Variants in ENTPD5 observed in about 807,000 individuals in gnomAD.
The protein encoded by ENTPD5 is ectonucleoside triphosphate diphosphohydrolase 5 (inactive).
A neutral mutation model predicts 60.2 loss-of-function variants in ENTPD5; 49 were observed. The ratio of observed to expected loss-of-function variants is 0.81; its 90% CI spans 0.65 to 1.03. ENTPD5 has a LOEUF of 1.03. ENTPD5 is among the 50% of genes least tolerant of loss of function. The pLI, the probability that ENTPD5 is intolerant of heterozygous loss-of-function variation, is 0.00. For missense variants in ENTPD5, 480 were observed against 507.6 expected (o/e 0.95, Z 0.52); for synonymous variants, 187 against 185.4 (o/e 1.01, Z -0.07).
intron 3 of ENTPD5, among the ~76,000 whole-genome samples, chr14:73,998,957 T>C (rs1448161349): frequency 6.6e-6 from 1 of 152,134 alleles, no homozygotes; most frequent in Non-Finnish European, 1.5e-5. Context: ...CCACTGAAGA[T>C]ATTGAACTAG....
chr14:74,000,887 A>T (rs959750615), intron 3 of ENTPD5, among the ~76,000 whole-genome samples: 4 of 152,180 alleles, frequency 2.6e-5, no homozygotes, highest in Admixed American at 2.6e-4. Flanking sequence ...GAGAGATTAG[A>T]AAAAGATGAT....
At chr14:73,962,028 G>C, downstream of ENTPD5, 1 of 1,100,312 alleles carries the variant, frequency 9.1e-7, no homozygotes, top group Non-Finnish European at 1.3e-6. Flanking sequence ...ACTCACTGCA[G>C]CCTCTGCCTC....
At chr14:74,013,723 G>C (rs1030218824) in intron 2 of ENTPD5, among the ~76,000 whole-genome samples, 1 of 152,092 alleles carries the variant, frequency 6.6e-6, no homozygotes, top group African/African-American at 2.4e-5. Flanking sequence ...CCAGGTCAGA[G>C]CTTTATACAT....
intron 5 of ENTPD5, among the ~76,000 whole-genome samples, chr14:73,983,691 ATTATTT>A (rs145222847): frequency 0.16 from 10,181 of 61,724 alleles, 567 homozygotes; most frequent in East Asian, 0.42. Context: ...TATTATTATT[ATTATTT>A]TTTTTGGGAC....
intron 3 of ENTPD5, among the ~76,000 whole-genome samples, chr14:73,994,613 A>G (rs1225382369): frequency 2.0e-5 from 3 of 151,604 alleles, no homozygotes; most frequent in Non-Finnish European, 4.4e-5. Context: ...GGCACCTGTA[A>G]TCCCAACTAC....
At chr14:73,968,724 C>G (rs2057092444) in intron 15 of ENTPD5, among the ~76,000 whole-genome samples, 2 of 152,282 alleles carry the variant, frequency 1.3e-5, no homozygotes, top group South Asian at 4.1e-4. Flanking sequence ...TCAGGCCCGG[C>G]TGTATTACTG....
chr14:73,969,011 A>G (rs1320680308), intron 15 of ENTPD5, among the ~76,000 whole-genome samples: 1 of 152,252 alleles, frequency 6.6e-6, no homozygotes, highest in Non-Finnish European at 1.5e-5. Flanking sequence ...TGAGGCATTC[A>G]GTGTTCATGA....
chr14:73,958,894 T>C, downstream of ENTPD5: 3 of 1,586,504 alleles, frequency 1.9e-6, no homozygotes, highest in East Asian at 4.6e-5. Context: ...TGGAGGAAAC[T>C]TTAGGGAGCA....
intron 3 of ENTPD5, among the ~76,000 whole-genome samples, chr14:74,001,136 T>C (rs113768127): frequency 0.079 from 11,953 of 152,026 alleles, 626 homozygotes; most frequent in South Asian, 0.26. Flanking sequence ...AGTGGGAGGA[T>C]TGCTTGACCC....
At chr14:73,974,864 G>T in intron 11 of ENTPD5, 60 bp downstream of exon 11, 7 of 1,340,524 alleles carry the variant, frequency 5.2e-6, no homozygotes, top group Non-Finnish European at 7.4e-6. Flanking sequence ...AAGGGAAGAA[G>T]CAAGCGGAGT....
Position 73,972,160 on chromosome 14 carries a change from C to T in ENTPD5, c.1028-252G>A, listed in dbSNP as rs538017790. 1.6e-4 allele frequency among the ~76,000 whole-genome samples: 25 copies of T among 151,678 alleles called. No individual in the cohort carries two copies. The East Asian group carries it at 2.9e-3, about 18-fold the overall frequency. ...TTGGGAGGCCGAGGAAGGCAGATAA[C>T]GAGGTCAGGAGTTCAAGACCAGCCT... On this transcript the variant is annotated intron_variant, in intron 13 of 15. Coordinates refer to ENST00000334696, the MANE Select transcript of ENTPD5 (RefSeq NM_001249.5).
In ENTPD5 at chr14:73,966,368, C is replaced by T. The variant is rs1333332125; in HGVS notation, c.*560G>A. ...CTCATCCTATTAATATTTAGGATGG[C>T]TCTCAGCTGGCTGATTGGAGCTAAC... On this transcript the variant is annotated 3_prime_UTR_variant, in exon 16 of 16. Transcript: ENST00000334696. 1 of 152,234 alleles carries T rather than the reference C, an allele frequency of 6.6e-6. No homozygotes were observed. The highest frequency in any genetic ancestry group is 1.9e-4 in the East Asian group (1 of 5,202). 9.4% of individuals were successfully genotyped at this position (152,234 alleles called of 1,614,324 possible). A position where few individuals can be genotyped will look rare whatever the true frequency, so the allele number is the denominator to read the frequency against.
At position 73,975,928 on chromosome 14, in the gene ENTPD5, G is replaced by A. The variant is rs142846419; in HGVS notation, c.722+8C>T. 7.6e-3 allele frequency: 12,047 copies of A among 1,589,890 alleles called. 114 individuals are homozygous for A. The highest frequency in any genetic ancestry group is 0.03 in the Middle Eastern group (177 of 5,992). Reference sequence around the variant, plus strand: ...TGAAATATTCTTCTTCCCTGTCCCCGTCCTCACCTATGTGTATAGAGCTTA... The same window carrying A: ...TGAAATATTCTTCTTCCCTGTCCCCATCCTCACCTATGTGTATAGAGCTTA... On this transcript the variant is annotated splice_region_variant and intron_variant, in intron 10 of 15. Coordinates refer to ENST00000334696, the MANE Select transcript of ENTPD5 (RefSeq NM_001249.5).
At position 74,016,281 on chromosome 14, in the gene ENTPD5, C is replaced by T. The variant is rs17095096; in HGVS notation, c.-237-351G>A. 8.9e-3 allele frequency among the ~76,000 whole-genome samples: 1,357 copies of T among 152,258 alleles called. 19 individuals are homozygous for T. Among genetic ancestry groups the T allele is most frequent in the African/African-American group, 0.031 (1,299 of 41,546 alleles). ...TCTTGGCATTTCCCTGAGCCATATT[C>T]ATGTCACAACAGCTTTATCTACAAA... On this transcript the variant is annotated intron_variant, in intron 1 of 15. Transcript: ENST00000334696.
intron 6 of ENTPD5, among the ~76,000 whole-genome samples, chr14:73,978,879 C>T (rs568912378): frequency 2.6e-5 from 4 of 151,656 alleles, no homozygotes; most frequent in African/African-American, 7.3e-5. Context: ...CATTGCACTC[C>T]GTCCTGGGCA....
At chr14:73,978,243 C>T (rs2057525015) in intron 6 of ENTPD5, among the ~76,000 whole-genome samples, 1 of 152,036 alleles carries the variant, frequency 6.6e-6, no homozygotes, top group Non-Finnish European at 1.5e-5. Flanking sequence ...ACAGTTTGTT[C>T]TCAAAACAGC....
At chr14:73,971,243 T>G (rs1331917693) in intron 14 of ENTPD5, among the ~76,000 whole-genome samples, 2 of 151,858 alleles carry the variant, frequency 1.3e-5, no homozygotes, top group African/African-American at 4.8e-5. Context: ...CTACAACCTC[T>G]GCCTCCCAGG....
In ENTPD5 at chr14:73,964,045, G is replaced by A. The variant is rs1251610707; in HGVS notation, c.*2883C>T. The stretch of plus-strand genomic sequence containing the variant: ...GATGGCAGCTGCTGTGAAAAGCTGT[G>A]TGACTCCTGGCGGAGACTGCAGGGA... On this transcript the variant is annotated 3_prime_UTR_variant, in exon 16 of 16. Coordinates refer to ENST00000334696, the MANE Select transcript of ENTPD5 (RefSeq NM_001249.5). 6.6e-6 allele frequency: 1 copy of A among 152,194 alleles called. No homozygotes were observed. Among genetic ancestry groups the A allele is most frequent in the Non-Finnish European group, 1.5e-5 (1 of 68,034 alleles). The allele number at this position is 152,194 out of a possible 1,614,324, so 9.4% of individuals were successfully genotyped here.
chr14:73,973,795 G>C, intron 12 of ENTPD5, 82 bp downstream of exon 12: 3 of 1,212,214 alleles, frequency 2.5e-6, no homozygotes, highest in Non-Finnish European at 3.7e-6. Flanking sequence ...CTTCTCTTGA[G>C]TTCTGGAAAA....
Sources: allele counts gnomAD v4.1 joint callset (sites outside exome capture counted in the v4.1 genomes callset), GRCh38; gene constraint gnomAD v4.1.1; transcripts MANE v1.5; gene names NCBI Gene and HGNC (gene_info 2026-07-23, HGNC 2026-07-21).